PAPSS2: variants seen among roughly 807,000 people sequenced by gnomAD.
PAPSS2 encodes bifunctional 3'-phosphoadenosine 5'-phosphosulfate synthase 2.
In PAPSS2, 61 loss-of-function variants were observed where a neutral mutation model predicts 66.5. The observed-to-expected ratio is 0.92, with a 90% CI of 0.75 to 1.14. The LOEUF (loss-of-function observed/expected upper bound fraction) is 1.14. PAPSS2 is among the 50% of genes most tolerant of loss of function. The pLI is 0.00. For synonymous variants in PAPSS2, 289 were observed against 287.5 expected (o/e 1.01, Z -0.05); for missense variants, 708 against 789.6 (o/e 0.90, Z 1.24).
intron 1 of PAPSS2, among the ~76,000 whole-genome samples, chr10:87,677,709 C>G (rs916824116): frequency 7.9e-5 from 12 of 152,084 alleles, no homozygotes; most frequent in Non-Finnish European, 1.8e-4. Flanking sequence ...AGTAAAAACT[C>G]TTTATCAAGT....
rs117699393 is a variant in PAPSS2 at position 87,735,100 on chromosome 10, C to T, written c.1087-6135C>T. Among the ~76,000 whole-genome samples, 477 of 152,234 alleles carry T rather than the reference C, an allele frequency of 3.1e-3. 14 individuals are homozygous for T. The East Asian group carries it at 0.067, about 21-fold the overall frequency. ...GAAGCCTGCTCCCCATTCCTTTTGG[C>T]GCATCTAGTTCTGCAAATCCTCTAG... On this transcript the variant is annotated intron_variant, in intron 9 of 12. Coordinates refer to ENST00000456849, the MANE Select transcript of PAPSS2 (RefSeq NM_001015880.2).
intron 9 of PAPSS2, among the ~76,000 whole-genome samples, chr10:87,734,073 T>C (rs1184847671): frequency 6.6e-6 from 1 of 152,126 alleles, no homozygotes; most frequent in Admixed American, 6.6e-5. Flanking sequence ...TACTCCCCCA[T>C]AATCTCCCAC....
At chr10:87,723,619 G>A (rs1055416301) in intron 8 of PAPSS2, among the ~76,000 whole-genome samples, 8 of 152,080 alleles carry the variant, frequency 5.3e-5, no homozygotes, top group African/African-American at 1.9e-4. Flanking sequence ...GTTTATAAAG[G>A]GTCTCAAAGT....
At position 87,689,364 on chromosome 10, in the gene PAPSS2, A is replaced by C. The variant is rs540900259; in HGVS notation, c.28-19832A>C. On this transcript the variant is annotated intron_variant, in intron 1 of 12. Transcript: ENST00000456849. Reference sequence around the variant, plus strand: ...TCAAAAAAAAAAAAAAACAAAAAAAACCCACAAAGAACTTGTGGCCTGGGG... The same window carrying C: ...TCAAAAAAAAAAAAAAACAAAAAAACCCCACAAAGAACTTGTGGCCTGGGG... 8.4e-4 allele frequency among the ~76,000 whole-genome samples: 127 copies of C among 150,318 alleles called. No homozygotes were observed. In the East Asian group the frequency reaches 0.016, roughly 19 times the overall value.
Position 87,719,582 on chromosome 10 carries a change from C to G in PAPSS2, c.866-2174C>G, listed in dbSNP as rs2131714770. 1.3e-5 allele frequency among the ~76,000 whole-genome samples: 2 copies of G among 152,246 alleles called. 1 individual carries two copies. ...GTCCCACCTGGGCAACATAGGGAAA[C>G]TTTGTCTCTAAAAATAAATACATAA... On this transcript the variant is annotated intron_variant, in intron 7 of 12. Transcript: ENST00000456849.
At chr10:87,702,964 C>T (rs901202279) in intron 1 of PAPSS2, among the ~76,000 whole-genome samples, 20 of 152,114 alleles carry the variant, frequency 1.3e-4, no homozygotes, top group Non-Finnish European at 2.8e-4. Flanking sequence ...CTGTCACGAC[C>T]CTCGGCACTT....
intron 1 of PAPSS2, among the ~76,000 whole-genome samples, chr10:87,680,198 T>C (rs1853002000): frequency 1.3e-5 from 2 of 152,160 alleles, no homozygotes; most frequent in Non-Finnish European, 2.9e-5. Context: ...AGTTGTCACT[T>C]TGGGCACTAA....
intron 9 of PAPSS2, among the ~76,000 whole-genome samples, chr10:87,735,140 C>CTG (rs1256611587): frequency 2.6e-5 from 4 of 152,134 alleles, no homozygotes; most frequent in African/African-American, 9.7e-5. Context: ...GGCCCCCCTG[C>CTG]TGTCTTTGGC....
intron 1 of PAPSS2, among the ~76,000 whole-genome samples, chr10:87,692,116 T>G (rs1853178971): frequency 6.6e-6 from 1 of 151,690 alleles, no homozygotes. Flanking sequence ...ATAGATTAAT[T>G]TTTTTAATGA....
chr10:87,746,557 C>T lies in PAPSS2; in HGVS notation c.*587C>T, dbSNP rs1027989082. On this transcript the variant is annotated 3_prime_UTR_variant, in exon 13 of 13. Coordinates refer to ENST00000456849, the MANE Select transcript of PAPSS2 (RefSeq NM_001015880.2). Reference sequence around the variant, plus strand: ...ACTGGAGAAACAAAATGTGCAATAACGTGAATTTTATCTTAGAGATCTGTG... The same window carrying T: ...ACTGGAGAAACAAAATGTGCAATAATGTGAATTTTATCTTAGAGATCTGTG... 11 of 152,236 alleles carry T rather than the reference C, an allele frequency of 7.2e-5. No individual in the cohort carries two copies. Among genetic ancestry groups the T allele is most frequent in the East Asian group, 1.9e-4 (1 of 5,202 alleles). The allele number at this position is 152,236 out of a possible 1,614,324, so 9.4% of individuals were successfully genotyped here.
Position 87,709,239 on chromosome 10 carries a change from A to T in PAPSS2, c.71A>T (p.His24Leu). ...ACCAATGTAGTCTATCAGGCCCACC[A>T]TGTGAGCAGGAATAAGAGAGGGCAA... ...KSTNVVYQAH[H>L]VSRNKRGQVV... The change falls in exon 2 of 13, where the codon CAT (histidine) becomes CTT (leucine). Residue 24 changes from histidine to leucine, a missense_variant. Transcript: ENST00000456849. 1 of 1,613,410 alleles carries T rather than the reference A, an allele frequency of 6.2e-7. No individual in the cohort carries two copies. The highest frequency in any genetic ancestry group is 1.1e-5 in the South Asian group (1 of 91,072).
chr10:87,703,449 C>T (rs1203045018), intron 1 of PAPSS2, among the ~76,000 whole-genome samples: 2 of 152,142 alleles, frequency 1.3e-5, no homozygotes, highest in African/African-American at 4.8e-5. Flanking sequence ...ACTACCATCA[C>T]TTCTCCAGAC....
At chr10:87,717,708 A>T (rs1349296285) in intron 7 of PAPSS2, among the ~76,000 whole-genome samples, 1 of 152,098 alleles carries the variant, frequency 6.6e-6, no homozygotes, top group Non-Finnish European at 1.5e-5. Context: ...GACTACAGGC[A>T]TGTACCACCA....
At chr10:87,709,780 T>A (rs546435666) in intron 2 of PAPSS2, among the ~76,000 whole-genome samples, 1 of 152,358 alleles carries the variant, frequency 6.6e-6, no homozygotes, top group South Asian at 2.1e-4. Flanking sequence ...CTATTTCACT[T>A]ACTATATAAA....
intron 1 of PAPSS2, among the ~76,000 whole-genome samples, chr10:87,682,482 T>C (rs1298447995): frequency 6.6e-6 from 1 of 152,232 alleles, no homozygotes. Flanking sequence ...ATGGGAGTTG[T>C]TCTCCCTTCT....
intron 1 of PAPSS2, among the ~76,000 whole-genome samples, chr10:87,675,923 C>T (rs1852938033): frequency 6.6e-6 from 1 of 150,926 alleles, no homozygotes; most frequent in African/African-American, 2.4e-5. Flanking sequence ...GCCACCGGCT[C>T]AGATGAGTTT....
intron 3 of PAPSS2, 62 bp downstream of exon 3, chr10:87,713,372 C>T: frequency 1.1e-6 from 1 of 910,266 alleles, no homozygotes; most frequent in East Asian, 2.7e-5. Flanking sequence ...TGCAAGTGCT[C>T]TCCAACTGCT....
At chr10:87,674,830 C>T (rs995865054) in intron 1 of PAPSS2, among the ~76,000 whole-genome samples, 5 of 152,090 alleles carry the variant, frequency 3.3e-5, no homozygotes, top group Admixed American at 1.3e-4. Flanking sequence ...CTTTTATTGG[C>T]AATCCTTTGT....
At chr10:87,702,492 G>A (rs1025816997) in intron 1 of PAPSS2, among the ~76,000 whole-genome samples, 10 of 152,222 alleles carry the variant, frequency 6.6e-5, no homozygotes, top group Non-Finnish European at 1.0e-4. Flanking sequence ...GCAACTTTCT[G>A]AAAATGGGTC....
Sources: allele counts gnomAD v4.1 joint callset (sites outside exome capture counted in the v4.1 genomes callset), GRCh38; gene constraint gnomAD v4.1.1; transcripts MANE v1.5; gene names NCBI Gene and HGNC (gene_info 2026-07-23, HGNC 2026-07-21).